Variants in TMEM196 observed in about 807,000 individuals in gnomAD.
TMEM196 encodes the protein transmembrane protein 196.
A neutral mutation model predicts 20.0 loss-of-function variants in TMEM196; 17 were observed. That is an observed-to-expected ratio of 0.85 (90% confidence interval 0.58 to 1.27). The LOEUF (loss-of-function observed/expected upper bound fraction) is 1.27. Ranked by LOEUF, TMEM196 falls within the 50% of genes most tolerant of loss-of-function variation. The probability of loss-of-function intolerance (pLI) is 0.00; values close to 1 mark genes in which losing one functional copy is unlikely to be tolerated. For missense variants in TMEM196, 267 were observed against 223.0 expected (o/e 1.20, Z -1.26); for synonymous variants, 113 against 88.9 (o/e 1.27, Z -1.52).
chr7:19,742,789 AC>A (rs954657130), intron 1 of TMEM196, among the ~76,000 whole-genome samples: 3 of 152,168 alleles, frequency 2.0e-5, no homozygotes, highest in African/African-American at 7.2e-5. Flanking sequence ...ACATGGGGAT[AC>A]TTTTTAGAAA....
At chr7:19,723,941 T>C (rs956240176) in intron 4 of TMEM196, among the ~76,000 whole-genome samples, 9 of 151,860 alleles carry the variant, frequency 5.9e-5, no homozygotes, top group Admixed American at 2.6e-4. Context: ...ACATATCTAT[T>C]ATTAAAAACA....
At chr7:19,755,028 T>C (rs1177921148) in intron 1 of TMEM196, among the ~76,000 whole-genome samples, 1 of 152,192 alleles carries the variant, frequency 6.6e-6, no homozygotes, top group Non-Finnish European at 1.5e-5. Context: ...AAAGGGACAA[T>C]TCATGTGAAA....
intron 1 of TMEM196, among the ~76,000 whole-genome samples, chr7:19,744,628 A>G (rs1784689465): frequency 6.6e-6 from 1 of 152,232 alleles, no homozygotes; most frequent in Non-Finnish European, 1.5e-5. Context: ...AGCCTTAACA[A>G]AAAACAATTT....
At chr7:19,741,186 A>G (rs960073921) in intron 1 of TMEM196, among the ~76,000 whole-genome samples, 1 of 152,174 alleles carries the variant, frequency 6.6e-6, no homozygotes, top group Non-Finnish European at 1.5e-5. Context: ...CAAACCTCAT[A>G]TGAATCTCCA....
At chr7:19,736,616 A>G (rs1399014953) in intron 1 of TMEM196, among the ~76,000 whole-genome samples, 1 of 151,716 alleles carries the variant, frequency 6.6e-6, no homozygotes. Flanking sequence ...TTTCCCTGGG[A>G]ATCACATGCA....
At chr7:19,753,725 T>C (rs1785082938) in intron 1 of TMEM196, among the ~76,000 whole-genome samples, 1 of 152,190 alleles carries the variant, frequency 6.6e-6, no homozygotes, top group African/African-American at 2.4e-5. Context: ...GAAGAAGGCT[T>C]CAAATCCTAT....
At chr7:19,771,133 A>T (rs1355538485) in intron 1 of TMEM196, among the ~76,000 whole-genome samples, 1 of 152,208 alleles carries the variant, frequency 6.6e-6, no homozygotes, top group Non-Finnish European at 1.5e-5. Flanking sequence ...CAATAACTAC[A>T]ACTCTCCAAA....
intron 1 of TMEM196, among the ~76,000 whole-genome samples, chr7:19,751,885 C>G (rs927342228): frequency 6.6e-6 from 1 of 152,118 alleles, no homozygotes; most frequent in Non-Finnish European, 1.5e-5. Context: ...AATATATATA[C>G]TCAGGGATTT....
intron 2 of TMEM196, among the ~76,000 whole-genome samples, chr7:19,728,007 A>G (rs1784059556): frequency 6.6e-6 from 1 of 152,168 alleles, no homozygotes. Context: ...AGGATAATGT[A>G]CCTTCTAATA....
At chr7:19,728,744 C>G (rs983183297) in intron 2 of TMEM196, among the ~76,000 whole-genome samples, 1 of 152,244 alleles carries the variant, frequency 6.6e-6, no homozygotes, top group South Asian at 2.1e-4. Flanking sequence ...TCATGAAAGG[C>G]GATGGGGAAT....
At chr7:19,748,335 C>T (rs1784841556) in intron 1 of TMEM196, among the ~76,000 whole-genome samples, 1 of 140,150 alleles carries the variant, frequency 7.1e-6, no homozygotes, top group South Asian at 2.3e-4. Flanking sequence ...CTTATCAAAC[C>T]AGAATTAGAA....
At chr7:19,732,593 A>C (rs10231338) in intron 1 of TMEM196, among the ~76,000 whole-genome samples, 4 of 142,062 alleles carry the variant, frequency 2.8e-5, no homozygotes, top group East Asian at 2.3e-4. Context: ...AACAAAAAAA[A>C]AAAAAACGGA....
intron 2 of TMEM196, among the ~76,000 whole-genome samples, chr7:19,726,166 C>A (rs1783993839): frequency 6.6e-6 from 1 of 152,118 alleles, no homozygotes; most frequent in Non-Finnish European, 1.5e-5. Context: ...TCCCAGCAAG[C>A]CTCTGAGATA....
At chr7:19,748,078 C>A (rs1443184524) in intron 1 of TMEM196, among the ~76,000 whole-genome samples, 1 of 151,836 alleles carries the variant, frequency 6.6e-6, no homozygotes, top group Non-Finnish European at 1.5e-5. Flanking sequence ...ACTGGTCTCT[C>A]CCATGCATAT....
chr7:19,742,351 C>A (rs1784610035), intron 1 of TMEM196, among the ~76,000 whole-genome samples: 1 of 152,060 alleles, frequency 6.6e-6, no homozygotes, highest in South Asian at 2.1e-4. Flanking sequence ...CTGTTGCCAT[C>A]TTTTTTGTTT....
At chr7:19,760,275 C>T (rs746599436) in intron 1 of TMEM196, among the ~76,000 whole-genome samples, 54 of 150,764 alleles carry the variant, frequency 3.6e-4, no homozygotes, top group Admixed American at 4.0e-4. Flanking sequence ...GAAAATATTG[C>T]TTCCTCAGAG....
intron 4 of TMEM196, among the ~76,000 whole-genome samples, chr7:19,722,378 C>T (rs1783843951): frequency 6.6e-6 from 1 of 152,082 alleles, no homozygotes; most frequent in Non-Finnish European, 1.5e-5. Context: ...TCCATTCTCT[C>T]CCCACTTTCC....
At chr7:19,760,642 T>C (rs1172835544) in intron 1 of TMEM196, among the ~76,000 whole-genome samples, 2 of 152,212 alleles carry the variant, frequency 1.3e-5, no homozygotes, top group Non-Finnish European at 2.9e-5. Flanking sequence ...ATTATAGGCG[T>C]GAGCCACTGC....
chr7:19,757,584 A>G (rs1259156144), intron 1 of TMEM196, among the ~76,000 whole-genome samples: 1 of 151,974 alleles, frequency 6.6e-6, no homozygotes, highest in Non-Finnish European at 1.5e-5. Flanking sequence ...TGTCCCCTCT[A>G]AAAGACTATT....
Sources: gnomAD v4.1 joint callset for allele counts (sites outside exome capture counted in the v4.1 genomes callset) on GRCh38, gnomAD v4.1.1 for gene constraint, MANE v1.5 for transcripts, NCBI Gene and HGNC (gene_info 2026-07-23, HGNC 2026-07-21) for gene names.